The following TNNI3K variants were observed in gnomAD, a reference collection of about 807,000 sequenced individuals.
TNNI3K encodes the protein TNNI3 interacting kinase.
Under a neutral mutation model 114.5 loss-of-function variants are expected in TNNI3K, and 140 were observed. That is an observed-to-expected ratio of 1.22 (90% confidence interval 1.07 to 1.41). The LOEUF (loss-of-function observed/expected upper bound fraction) is 1.41, where lower values mean the gene tolerates loss of function less well. TNNI3K is among the 40% of genes most tolerant of loss of function. The pLI is 0.00. For synonymous variants in TNNI3K, 347 were observed against 347.5 expected (o/e 1.00, Z 0.02); for missense variants, 1,125 against 1,007.6 (o/e 1.12, Z -1.58).
intron 5 of TNNI3K, among the ~76,000 whole-genome samples, chr1:74,314,055 ATATATATATATATATATATATATATG>A (rs1297072096): frequency 4.9e-5 from 2 of 40,900 alleles, no homozygotes; most frequent in African/African-American, 8.6e-5. Context: ...TTATATATAT[ATATATATATATATATATATATATATG>A]TATATATATG....
Position 74,367,254 on chromosome 1 carries a change from A to C in TNNI3K, c.1178-2A>C, listed in dbSNP as rs201223622. ...CTTTGTTCTTTGTATCTTTTCATAA[A>C]GGGCATGATGCCATTGTCACACTCC... On this transcript the variant is annotated splice_acceptor_variant, in intron 11 of 24. Coordinates refer to ENST00000326637, the MANE Select transcript of TNNI3K (RefSeq NM_015978.3). LOFTEE classifies it high-confidence loss of function. The C allele has an allele frequency of 1.9e-6, 3 of 1,610,966 alleles. No homozygotes were observed. In the East Asian group the frequency reaches 6.7e-5, roughly 36 times the overall value.
intron 5 of TNNI3K, among the ~76,000 whole-genome samples, chr1:74,326,514 A>G (rs1659914187): frequency 6.6e-6 from 1 of 152,224 alleles, no homozygotes; most frequent in African/African-American, 2.4e-5. Context: ...TTTAGTTATA[A>G]GGATTAAATT....
Position 74,517,381 on chromosome 1 carries a change from G to A in TNNI3K, c.2352-22853G>A, listed in dbSNP as rs185454536. On this transcript the variant is annotated intron_variant, in intron 23 of 24. Transcript: ENST00000326637. ...ACTTAATTAGTATCAAAAATTTTCT[G>A]GCATTAGCTCCTCACTGATTCATAT... is the stretch of plus-strand genomic sequence containing the variant. 2.6e-5 allele frequency among the ~76,000 whole-genome samples: 4 copies of A among 152,186 alleles called. No homozygotes were observed. The East Asian group carries it at 7.7e-4, about 29-fold the overall frequency.
intron 5 of TNNI3K, among the ~76,000 whole-genome samples, chr1:74,288,820 G>T (rs1193868067): frequency 3.3e-5 from 5 of 152,004 alleles, no homozygotes; most frequent in Non-Finnish European, 5.9e-5. Context: ...TCATTAGGTT[G>T]GTTGTGGTAA....
intron 4 of TNNI3K, among the ~76,000 whole-genome samples, chr1:74,256,702 T>A (rs1269880149): frequency 6.6e-6 from 1 of 152,092 alleles, no homozygotes; most frequent in Admixed American, 6.5e-5. Flanking sequence ...CAAATGTTGA[T>A]CTACTTCACT....
At chr1:74,335,632 G>A (rs1267683403) in intron 6 of TNNI3K, among the ~76,000 whole-genome samples, 1 of 152,068 alleles carries the variant, frequency 6.6e-6, no homozygotes, top group Non-Finnish European at 1.5e-5. Flanking sequence ...GAAGAGATAT[G>A]GGAAGATGGT....
intron 4 of TNNI3K, 95 bp from the exon 5 acceptor site, chr1:74,271,503 A>G (rs905447144): frequency 2.4e-5 from 29 of 1,192,420 alleles, no homozygotes; most frequent in Non-Finnish European, 3.3e-5. Context: ...GAGCACCTGA[A>G]CTGGCTGATA....
intron 17 of TNNI3K, among the ~76,000 whole-genome samples, chr1:74,419,833 AT>A (rs1273955951): frequency 6.6e-6 from 1 of 152,154 alleles, no homozygotes; most frequent in Non-Finnish European, 1.5e-5. Context: ...TCATTTATGC[AT>A]TAAACACACA....
intron 17 of TNNI3K, among the ~76,000 whole-genome samples, chr1:74,397,187 A>C: frequency 7.7e-6 from 1 of 130,324 alleles, no homozygotes; most frequent in Non-Finnish European, 1.7e-5. Flanking sequence ...TGAGGGAGAA[A>C]GGAAACATGA....
At chr1:74,378,233 A>G (rs1663006092) in intron 17 of TNNI3K, among the ~76,000 whole-genome samples, 1 of 152,068 alleles carries the variant, frequency 6.6e-6, no homozygotes, top group Non-Finnish European at 1.5e-5. Flanking sequence ...ATCAACTGCA[A>G]TCAGATTCAA....
At chr1:74,502,840 C>G (rs192480292) in intron 23 of TNNI3K, among the ~76,000 whole-genome samples, 18 of 152,308 alleles carry the variant, frequency 1.2e-4, no homozygotes, top group African/African-American at 3.8e-4. Context: ...ACAGGCGTGC[C>G]GTGGACTCCC....
intron 5 of TNNI3K, among the ~76,000 whole-genome samples, chr1:74,274,473 C>T (rs1656546062): frequency 6.6e-6 from 1 of 151,932 alleles, no homozygotes; most frequent in Non-Finnish European, 1.5e-5. Context: ...AACATTTTTT[C>T]AGCCCCTACT....
In TNNI3K at chr1:74,336,165, T is replaced by C; in HGVS notation, c.682+16T>C. 1 of 1,588,074 alleles carries C rather than the reference T, an allele frequency of 6.3e-7. No homozygotes were observed. The highest frequency in any genetic ancestry group is 8.5e-7 in the Non-Finnish European group (1 of 1,173,084). On this transcript the variant is annotated intron_variant, in intron 7 of 24. Coordinates refer to ENST00000326637, the MANE Select transcript of TNNI3K (RefSeq NM_015978.3). ...AAAGCAGATGGTAAGATTATATATT[T>C]AAAAGACCTTTGCTATCATTTGCTT...
chr1:74,345,061 A>G (rs549855337), intron 9 of TNNI3K, among the ~76,000 whole-genome samples: 2 of 152,184 alleles, frequency 1.3e-5, no homozygotes, highest in East Asian at 3.9e-4. Flanking sequence ...GTATGCATGT[A>G]TATATGTGTG....
intron 5 of TNNI3K, among the ~76,000 whole-genome samples, chr1:74,296,766 C>T (rs1658013870): frequency 6.6e-6 from 1 of 152,110 alleles, no homozygotes; most frequent in Non-Finnish European, 1.5e-5. Context: ...GACACAATTC[C>T]ATTATTTGTG....
intron 4 of TNNI3K, among the ~76,000 whole-genome samples, chr1:74,260,865 C>A (rs1203013098): frequency 6.6e-6 from 1 of 151,968 alleles, no homozygotes; most frequent in East Asian, 1.9e-4. Flanking sequence ...TATATGTGTT[C>A]ATAAATTATA....
chr1:74,480,952 C>T, intron 21 of TNNI3K: 1 of 714,842 alleles, frequency 1.4e-6, no homozygotes, highest in Non-Finnish European at 2.6e-6. Context: ...TTAAAACCCT[C>T]GTGGTCATAG....
intron 5 of TNNI3K, among the ~76,000 whole-genome samples, chr1:74,278,215 G>A (rs1234560415): frequency 6.6e-6 from 1 of 152,080 alleles, no homozygotes; most frequent in South Asian, 2.1e-4. Flanking sequence ...CCCCAATCTT[G>A]TGAATAGGCA....
intron 20 of TNNI3K, among the ~76,000 whole-genome samples, chr1:74,445,651 C>T (rs1454105094): frequency 6.9e-6 from 1 of 144,188 alleles, no homozygotes; most frequent in Non-Finnish European, 1.5e-5. Flanking sequence ...CGCTCTGTCG[C>T]CCAGGCTGGA....
Sources: allele counts gnomAD v4.1 joint callset (sites outside exome capture counted in the v4.1 genomes callset), GRCh38; gene constraint gnomAD v4.1.1; transcripts MANE v1.5; gene names NCBI Gene and HGNC (gene_info 2026-07-23, HGNC 2026-07-21).